The following DDI2 variants were observed in gnomAD, a reference collection of about 807,000 sequenced individuals.
The protein encoded by DDI2 is DDI proteasomal shuttling factor 2, also known as protein DDI1 homolog 2.
In DDI2, 5 loss-of-function variants were observed where a neutral mutation model predicts 48.1. The observed-to-expected ratio is 0.10, with a 90% CI of 0.05 to 0.22. DDI2 has a LOEUF of 0.22. Among genes scored for constraint, DDI2 ranks in the 10% least tolerant of loss-of-function variants. The pLI, the probability that DDI2 is intolerant of heterozygous loss-of-function variation, is 1.00. For synonymous variants in DDI2, 205 were observed against 183.6 expected, an observed-to-expected ratio of 1.12 and a Z score of -0.94; for missense variants, 285 against 506.2, an observed-to-expected ratio of 0.56 and a Z score of 4.19.
intron 2 of DDI2, among the ~76,000 whole-genome samples, chr1:15,629,689 C>G (rs1250775473): frequency 6.6e-6 from 1 of 151,366 alleles, no homozygotes. Context: ...GAACAACATC[C>G]AGACTTATGC....
intron 4 of DDI2, among the ~76,000 whole-genome samples, chr1:15,637,181 C>T (rs1181691890): frequency 6.6e-6 from 1 of 152,166 alleles, no homozygotes; most frequent in Non-Finnish European, 1.5e-5. Flanking sequence ...TTGCTTTTCT[C>T]GTGTAAGAAT....
At chr1:15,644,748 C>T (rs1322876232) in intron 6 of DDI2, among the ~76,000 whole-genome samples, 1 of 151,108 alleles carries the variant, frequency 6.6e-6, no homozygotes, top group Non-Finnish European at 1.5e-5. Context: ...CGCCCGCCAC[C>T]GCACCCGGCT....
intron 2 of DDI2, among the ~76,000 whole-genome samples, chr1:15,630,023 C>T (rs911701435): frequency 3.3e-5 from 5 of 152,130 alleles, no homozygotes; most frequent in East Asian, 1.9e-4. Flanking sequence ...TGAGCCACCA[C>T]GCCTGGCCAC....
Position 15,660,365 on chromosome 1 carries a change from A to G in DDI2, c.*575A>G. 6.2e-7 allele frequency: 1 copy of G among 1,614,112 alleles called. No individual in the cohort carries two copies. Among genetic ancestry groups the G allele is most frequent in the Non-Finnish European group, 8.5e-7 (1 of 1,180,006 alleles). ...AACCTGAGTCAAGTGAGTGACCCTC[A>G]GCAGCACGAAGAACCAGGGAATGAA... On this transcript the variant is annotated 3_prime_UTR_variant, in exon 10 of 10. Coordinates refer to ENST00000480945, the MANE Select transcript of DDI2 (RefSeq NM_032341.5).
At chr1:15,640,694 A>G (rs1376441976) in intron 5 of DDI2, among the ~76,000 whole-genome samples, 6 of 152,204 alleles carry the variant, frequency 3.9e-5, no homozygotes, top group African/African-American at 7.2e-5. Flanking sequence ...GTAAATTAAG[A>G]AGGAGGAAGA....
At position 15,617,536 on chromosome 1, in the gene DDI2, G is replaced by C; in HGVS notation, c.-135G>C. 1 of 641,056 alleles carries C rather than the reference G, an allele frequency of 1.6e-6. No homozygotes were observed. The highest frequency in any genetic ancestry group is 2.2e-6 in the Non-Finnish European group (1 of 451,388). The allele number at this position is 641,056 out of a possible 1,614,324, so 39.7% of individuals were successfully genotyped here. On this transcript the variant is annotated 5_prime_UTR_variant, in exon 1 of 10. Transcript: ENST00000480945. ...GGAGTGACTCACTGAGCGTGTGTGA[G>C]GGAGGGAGCGAGCGAGCGAACGAGC...
At chr1:15,624,061 T>A (rs919341364) in intron 1 of DDI2, among the ~76,000 whole-genome samples, 29 of 152,070 alleles carry the variant, frequency 1.9e-4, no homozygotes, top group Admixed American at 5.9e-4. Context: ...TCAAAATAAA[T>A]AAATAAATAA....
chr1:15,627,284 A>G (rs1639773464), intron 2 of DDI2, among the ~76,000 whole-genome samples: 1 of 152,198 alleles, frequency 6.6e-6, no homozygotes, highest in South Asian at 2.1e-4. Context: ...AATTTGCATA[A>G]TAATTTATAA....
chr1:15,634,282 C>T (rs1639892634), intron 4 of DDI2: 1 of 152,940 alleles, frequency 6.5e-6, no homozygotes, highest in African/African-American at 2.4e-5. Flanking sequence ...AAGCAAGATT[C>T]TGTTCAGTCA....
At chr1:15,638,035 G>A (rs1570976726) in intron 4 of DDI2, among the ~76,000 whole-genome samples, 1 of 152,254 alleles carries the variant, frequency 6.6e-6, no homozygotes, top group East Asian at 1.9e-4. Context: ...TGTAACCCTT[G>A]CTCTCCAGTT....
rs548865802 is a variant in DDI2 at position 15,667,429 on chromosome 1, T to C, written c.*7639T>C. On this transcript the variant is annotated 3_prime_UTR_variant, in exon 10 of 10. Coordinates refer to ENST00000480945, the MANE Select transcript of DDI2 (RefSeq NM_032341.5). ...CCACCTCACATGCAGGGTAGAAACA[T>C]GGAGTGTGCGGCAGCATCCTCCTCA... 1 of 152,146 alleles carries C rather than the reference T, an allele frequency of 6.6e-6. No homozygotes were observed. The highest frequency in any genetic ancestry group is 1.5e-5 in the Non-Finnish European group (1 of 68,020). The allele number at this position is 152,146 out of a possible 1,614,324, so 9.4% of individuals were successfully genotyped here. A position where few individuals can be genotyped will look rare whatever the true frequency, so the allele number is the denominator to read the frequency against.
At chr1:15,639,682 G>A (rs1426419874) in intron 5 of DDI2, among the ~76,000 whole-genome samples, 1 of 152,068 alleles carries the variant, frequency 6.6e-6, no homozygotes, top group African/African-American at 2.4e-5. Flanking sequence ...TAGGCTGATT[G>A]GGAACTCCTG....
rs530586563 is a variant in DDI2 at position 15,631,797 on chromosome 1, G to A, written c.505+1236G>A. Among the ~76,000 whole-genome samples, 120 of 151,600 alleles carry A rather than the reference G, an allele frequency of 7.9e-4. 2 individuals carry two copies. The highest frequency in any genetic ancestry group is 3.1e-4 in the Non-Finnish European group (21 of 67,884). On this transcript the variant is annotated intron_variant, in intron 3 of 9. Transcript: ENST00000480945. Reference sequence around the variant, plus strand: ...GGAATAATAGAGTGTCTGCTCTTTCGTGTTAGGCTTTGTTTTTTTTTTTCT... The same window carrying A: ...GGAATAATAGAGTGTCTGCTCTTTCATGTTAGGCTTTGTTTTTTTTTTTCT...
Position 15,662,563 on chromosome 1 carries a change from C to G in DDI2, c.*2773C>G, listed in dbSNP as rs1640398988. ...ATAATGGCCTAAACACTGGAATTTG[C>G]TAGAGTTTGGGTTTGCTAGCATCTC... On this transcript the variant is annotated 3_prime_UTR_variant, in exon 10 of 10. Transcript: ENST00000480945. 6.6e-6 allele frequency: 1 copy of G among 152,162 alleles called. No individual in the cohort carries two copies. The highest frequency in any genetic ancestry group is 2.1e-4 in the South Asian group (1 of 4,832). 9.4% of individuals were successfully genotyped at this position (152,162 alleles called of 1,614,324 possible).
At chr1:15,623,387 CTTTTTTTTTTT>C (rs777821777) in intron 1 of DDI2, among the ~76,000 whole-genome samples, 2 of 107,516 alleles carry the variant, frequency 1.9e-5, no homozygotes, top group Non-Finnish European at 3.7e-5. Context: ...TTTTCTTCTT[CTTTTTTTTTTT>C]TTTTTTTTTT....
intron 6 of DDI2, among the ~76,000 whole-genome samples, chr1:15,644,845 G>A (rs1207254009): frequency 2.6e-5 from 4 of 151,350 alleles, no homozygotes; most frequent in African/African-American, 9.7e-5. Context: ...CGCCCGCCTC[G>A]GCCTCCCAAA....
chr1:15,650,717 A>G (rs1640164646), intron 7 of DDI2, among the ~76,000 whole-genome samples: 1 of 152,156 alleles, frequency 6.6e-6, no homozygotes, highest in African/African-American at 2.4e-5. Context: ...AACAGAGCAA[A>G]ACCACATCTC....
At chr1:15,618,035 G>C (rs1639591653) in intron 1 of DDI2, among the ~76,000 whole-genome samples, 1 of 152,200 alleles carries the variant, frequency 6.6e-6, no homozygotes, top group Non-Finnish European at 1.5e-5. Context: ...CGGAGAACCT[G>C]ACCGCAGACG....
chr1:15,661,352 A>G lies in DDI2; in HGVS notation c.*1562A>G, dbSNP rs764339378. On this transcript the variant is annotated 3_prime_UTR_variant, in exon 10 of 10. Transcript: ENST00000480945. ...ACCTTAGGTGTAGAAATTTCACCCA[A>G]ACTTTTAGCAGGTGAGGAGGATGCA... is the stretch of plus-strand genomic sequence containing the variant. 1.6e-5 allele frequency: 26 copies of G among 1,613,978 alleles called. No individual in the cohort carries two copies. The highest frequency in any genetic ancestry group is 1.1e-4 in the African/African-American group (8 of 74,928).
Sources: allele counts gnomAD v4.1 joint callset (sites outside exome capture counted in the v4.1 genomes callset), GRCh38; gene constraint gnomAD v4.1.1; transcripts MANE v1.5; gene names NCBI Gene and HGNC (gene_info 2026-07-23, HGNC 2026-07-21).